The following PAGE2B variants were observed in gnomAD, a reference collection of about 807,000 sequenced individuals.
PAGE2B encodes the protein PAGE family member 2B, also known as putative G antigen family E member 3.
Under a neutral mutation model 7.6 loss-of-function variants are expected in PAGE2B, and 5 were observed. The observed-to-expected ratio is 0.66, with a 90% CI of 0.34 to 1.38. The LOEUF (loss-of-function observed/expected upper bound fraction) is 1.38. PAGE2B is among the 40% of genes most tolerant of loss of function. The probability of loss-of-function intolerance (pLI) is 0.04; values close to 1 mark genes in which losing one functional copy is unlikely to be tolerated. For synonymous variants in PAGE2B, 29 were observed against 26.7 expected, an observed-to-expected ratio of 1.09 and a Z score of -0.27; for missense variants, 70 against 78.4, an observed-to-expected ratio of 0.89 and a Z score of 0.41.
upstream of PAGE2B, among the ~76,000 whole-genome samples, chrX:55,073,868 G>A (rs1399640485): frequency 9.0e-6 from 1 of 111,718 alleles, no homozygotes; most frequent in Non-Finnish European, 1.9e-5. Context: ...CCTGGTTTTT[G>A]TACATTAATT....
chrX:55,052,590 G>A, the PAGE2B span, among the ~76,000 whole-genome samples: 1 of 112,738 alleles, frequency 8.9e-6, no homozygotes, highest in Non-Finnish European at 1.9e-5. Context: ...GGCTCCTTGG[G>A]CATAGGACCC....
chrX:55,065,076 G>A, the PAGE2B span, among the ~76,000 whole-genome samples: 1 of 111,877 alleles, frequency 8.9e-6, no homozygotes, highest in Non-Finnish European at 1.9e-5. Context: ...TTGGTCCATA[G>A]TGCAGATTAA....
At chrX:55,035,542 G>C in the PAGE2B span, among the ~76,000 whole-genome samples, 4 of 111,522 alleles carry the variant, frequency 3.6e-5, no homozygotes, top group South Asian at 3.8e-4. Flanking sequence ...GGAGGAGGAA[G>C]AGTCTGGAAT....
At chrX:55,075,483 C>A (rs1936499336) in intron 1 of PAGE2B, among the ~76,000 whole-genome samples, 1 of 110,913 alleles carries the variant, frequency 9.0e-6, no homozygotes. Context: ...AAGGAAGGGG[C>A]CTGGGAACTG....
At chrX:55,042,668 A>G in the PAGE2B span, among the ~76,000 whole-genome samples, 1 of 101,242 alleles carries the variant, frequency 9.9e-6, no homozygotes, top group East Asian at 3.0e-4. Context: ...AAAAAAAAAA[A>G]AAAAAAAAAA....
chrX:55,048,922 G>C, the PAGE2B span, among the ~76,000 whole-genome samples: 9 of 111,902 alleles, frequency 8.0e-5, no homozygotes, highest in East Asian at 2.2e-3. Flanking sequence ...TGTCCATTCA[G>C]TATGATACTG....
chrX:55,046,303 G>A, the PAGE2B span, among the ~76,000 whole-genome samples: 3 of 110,242 alleles, frequency 2.7e-5, no homozygotes, highest in South Asian at 7.8e-4. Context: ...TAGTAGAGAC[G>A]GAGTTTCACC....
the PAGE2B span, among the ~76,000 whole-genome samples, chrX:55,051,542 G>A: frequency 2.7e-5 from 3 of 110,979 alleles, no homozygotes; most frequent in African/African-American, 3.3e-5. Context: ...TTCTATTCAC[G>A]CTTCATTTCA....
chrX:55,071,904 A>G (rs1365983464), upstream of PAGE2B, among the ~76,000 whole-genome samples: 2 of 111,948 alleles, frequency 1.8e-5, no homozygotes, highest in Non-Finnish European at 3.8e-5. Context: ...CCGCTCCCTC[A>G]GGCCATTTTT....
At chrX:55,053,376 C>T in the PAGE2B span, among the ~76,000 whole-genome samples, 12 of 111,022 alleles carry the variant, frequency 1.1e-4, no homozygotes, top group South Asian at 3.8e-4. Flanking sequence ...GTCAAGGGGG[C>T]GAGGGGAGGG....
At chrX:55,034,692 G>C in the PAGE2B span, among the ~76,000 whole-genome samples, 11 of 108,753 alleles carry the variant, frequency 1.0e-4, no homozygotes, top group East Asian at 2.9e-3. Context: ...AAAGGTCCTG[G>C]TATATTAGTC....
upstream of PAGE2B, among the ~76,000 whole-genome samples, chrX:55,073,256 G>C (rs946388897): frequency 8.9e-6 from 1 of 111,850 alleles, no homozygotes; most frequent in Non-Finnish European, 1.9e-5. Context: ...TGGGAGAAGC[G>C]TAGTATCTGG....
chrX:55,033,738 G>A, the PAGE2B span, among the ~76,000 whole-genome samples: 1 of 111,984 alleles, frequency 8.9e-6, no homozygotes, highest in South Asian at 3.7e-4. Flanking sequence ...AATAGACTTC[G>A]GTGACTTAGG....
intron 1 of PAGE2B, 82 bp downstream of exon 1, chrX:55,075,196 C>A: frequency 7.5e-6 from 1 of 133,577 alleles, no homozygotes; most frequent in Admixed American, 8.9e-5. Context: ...ACAGGTCCTG[C>A]GGCACAGTCC....
the PAGE2B span, among the ~76,000 whole-genome samples, chrX:55,053,024 A>G: frequency 8.9e-6 from 1 of 112,803 alleles, no homozygotes; most frequent in Non-Finnish European, 1.9e-5. Flanking sequence ...TTGTACTTCT[A>G]CAATGTGGCA....
chrX:55,051,201 T>G, the PAGE2B span, among the ~76,000 whole-genome samples: 1 of 111,864 alleles, frequency 8.9e-6, no homozygotes, highest in Non-Finnish European at 1.9e-5. Context: ...TGGGCTTCCC[T>G]TTGTGGGTCA....
chrX:55,074,444 A>G (rs1218177475), upstream of PAGE2B, among the ~76,000 whole-genome samples: 1 of 112,171 alleles, frequency 8.9e-6, no homozygotes, highest in Admixed American at 9.4e-5. Context: ...TTAAAAGAAG[A>G]GAGTTACATA....
chrX:55,053,157 T>A, the PAGE2B span, among the ~76,000 whole-genome samples: 1 of 111,881 alleles, frequency 8.9e-6, no homozygotes, highest in African/African-American at 3.3e-5. Flanking sequence ...AAAGAAAATA[T>A]CATACATATA....
the PAGE2B span, among the ~76,000 whole-genome samples, chrX:55,038,067 TA>T: frequency 9.2e-5 from 10 of 108,677 alleles, no homozygotes; most frequent in Admixed American, 4.0e-4. Flanking sequence ...AAAATAAAAA[TA>T]AAAAAAAGAA....
Sources: gnomAD v4.1 joint callset for allele counts (sites outside exome capture counted in the v4.1 genomes callset) on GRCh38, gnomAD v4.1.1 for gene constraint, MANE v1.5 for transcripts, NCBI Gene and HGNC (gene_info 2026-07-23, HGNC 2026-07-21) for gene names.